The following SPATA31D1 variants were observed in gnomAD, a reference collection of about 807,000 sequenced individuals.
SPATA31D1 encodes spermatogenesis-associated protein 31D1.
A neutral mutation model predicts 13.2 loss-of-function variants in SPATA31D1; 6 were observed. That is an observed-to-expected ratio of 0.46 (90% CI 0.25 to 0.90). The LOEUF (loss-of-function observed/expected upper bound fraction) is 0.90, where lower values mean the gene tolerates loss of function less well. Ranked by LOEUF, SPATA31D1 falls within the 40% of genes least tolerant of loss-of-function variation. The pLI is 0.18. For synonymous variants in SPATA31D1, 903 were observed against 718.8 expected (o/e 1.26, Z -4.10); for missense variants, 2,445 against 1,884.7 (o/e 1.30, Z -5.50).
chr9:81,994,017 G>A lies in SPATA31D1; in HGVS notation c.3547G>A (p.Glu1183Lys). 6.2e-7 allele frequency: 1 copy of A among 1,613,754 alleles called. No individual in the cohort carries two copies. Among genetic ancestry groups the A allele is most frequent in the South Asian group, 1.1e-5 (1 of 91,056 alleles). ...NVKASTSNETEIFPPRISVPQ... is the reference protein window; with the variant it reads ...NVKASTSNETKIFPPRISVPQ... ...GAAAGCAAGCACTTCCAATGAAACT[G>A]AAATTTTCCCACCAAGAATATCAGT... Residue 1183 changes from glutamate to lysine, a missense_variant, in exon 4 of 4, where the codon GAA (glutamate) becomes AAA (lysine). Transcript: ENST00000344803.
Position 81,992,343 on chromosome 9 carries a change from G to C in SPATA31D1, c.1873G>C (p.Glu625Gln), listed in dbSNP as rs1452197292. ...TTTGCCATCTGAAATTAACCATCTG[G>C]AGTGGAACGTGTTGCAGAAAGTGCA... ...SLLPSEINHL[E>Q]WNVLQKVQES... Residue 625 changes from glutamate to glutamine, a missense_variant, in exon 4 of 4, where the codon GAG becomes CAG. By Grantham distance (29) the Glu-to-Gln change is conservative (BLOSUM62 2). Transcript: ENST00000344803. 6.2e-7 allele frequency: 1 copy of C among 1,613,696 alleles called. No homozygotes were observed. Among genetic ancestry groups the C allele is most frequent in the East Asian group, 2.2e-5 (1 of 44,892 alleles).
Position 81,992,008 on chromosome 9 carries a change from A to C in SPATA31D1, c.1538A>C (p.Glu513Ala), listed in dbSNP as rs755367812. Residue 513 changes from glutamate to alanine, a missense_variant, in exon 4 of 4, where the codon GAG (glutamate) becomes GCG (alanine). Physicochemically the swap from Glu to Ala is moderately radical, Grantham distance 107. Transcript: ENST00000344803. ...LFWGLPSLHS[E>A]SLHPTVLVQR... ...TGGGGTCTCCCATCTTTGCACAGCGAGTCTCTGCATCCTACTGTTCTTGTC... is the reference window on the plus strand; with the variant it reads ...TGGGGTCTCCCATCTTTGCACAGCGCGTCTCTGCATCCTACTGTTCTTGTC... 2 of 1,613,780 alleles carry C rather than the reference A, an allele frequency of 1.2e-6. No homozygotes were observed.
Position 81,994,855 on chromosome 9 carries a change from G to C in SPATA31D1, c.4385G>C (p.Arg1462Thr), listed in dbSNP as rs1431118911. ...EPVQGCPCNY[R>T]APSCKVTRTK... ...GTCCAGGGCTGTCCCTGCAACTACA[G>C]GGCTCCCTCCTGCAAAGTGACACGT... Residue 1462 changes from arginine to threonine, a missense_variant, in exon 4 of 4, where the codon AGG becomes ACG. Arg to Thr is a moderately conservative substitution (Grantham distance 71, BLOSUM62 -1). Transcript: ENST00000344803. The C allele has an allele frequency of 2.5e-6, 4 of 1,613,824 alleles. No individual in the cohort carries two copies. The highest frequency in any genetic ancestry group is 1.3e-5 in the African/African-American group (1 of 74,928).
At chr9:81,989,901 C>G (rs1824918202) in intron 2 of SPATA31D1, 78 bp downstream of exon 2, 1 of 1,509,020 alleles carries the variant, frequency 6.6e-7, no homozygotes, top group Non-Finnish European at 9.0e-7. Flanking sequence ...CCCATGATTT[C>G]TTAGAATGTC....
In SPATA31D1 at chr9:81,993,349, T is replaced by A. The variant is rs780620730; in HGVS notation, c.2879T>A (p.Val960Asp). The change falls in exon 4 of 4, where the codon GTC (valine) becomes GAC (aspartate). Residue 960 changes from valine (V) to aspartate (D), a missense_variant. Physicochemically the swap from Val to Asp is radical, Grantham distance 152 (BLOSUM62 -3). Coordinates refer to ENST00000344803, the MANE Select transcript of SPATA31D1 (RefSeq NM_001001670.3). ...FISQGDSKDG[V>D]SKSRSRSTFQ... ...TCTCAGGGAGATTCCAAAGATGGGG[T>A]CTCTAAGTCCCGTAGTCGAAGCACT... is the stretch of plus-strand genomic sequence containing the variant. 6.2e-7 allele frequency: 1 copy of A among 1,613,612 alleles called. No homozygotes were observed. Among genetic ancestry groups the A allele is most frequent in the South Asian group, 1.1e-5 (1 of 91,048 alleles).
At position 81,993,519 on chromosome 9, in the gene SPATA31D1, T is replaced by G. The variant is rs778969735; in HGVS notation, c.3049T>G (p.Ser1017Ala). The change falls in exon 4 of 4, where the codon TCC becomes GCC. Residue 1017 changes from serine to alanine, a missense_variant. Coordinates refer to ENST00000344803, the MANE Select transcript of SPATA31D1 (RefSeq NM_001001670.3). ...TGACCATGACCTTATAGAGACAGAT[T>G]CCAAAGACGGGGCCTCCACATCCCT... ...DTDHDLIETD[S>A]KDGASTSLRR... 1.4e-5 allele frequency: 23 copies of G among 1,613,402 alleles called. No individual in the cohort carries two copies. The East Asian group carries it at 1.6e-4, about 11-fold the overall frequency.
upstream of SPATA31D1, among the ~76,000 whole-genome samples, chr9:81,987,569 G>A (rs1188464216): frequency 6.6e-6 from 1 of 152,120 alleles, no homozygotes; most frequent in African/African-American, 2.4e-5. Flanking sequence ...TAGAGAGTAT[G>A]TTCCAAAAGT....
In SPATA31D1 at chr9:81,994,569, T is replaced by G. The variant is rs1415964517; in HGVS notation, c.4099T>G (p.Ser1367Ala). ...SLQWFNKPSI[S>A]YEEQESSWEK... ...GCAGTGGTTTAATAAACCCAGCATA[T>G]CATATGAAGAACAAGAAAGTTCCTG... is the stretch of plus-strand genomic sequence containing the variant. The change falls in exon 4 of 4, where the codon TCA becomes GCA. Residue 1367 changes from serine (S) to alanine (A), a missense_variant. By Grantham distance (99) the Ser-to-Ala change is moderately conservative. Coordinates refer to ENST00000344803, the MANE Select transcript of SPATA31D1 (RefSeq NM_001001670.3). The G allele has an allele frequency of 4.3e-6, 7 of 1,612,992 alleles. No homozygotes were observed. The highest frequency in any genetic ancestry group is 1.7e-5 in the Admixed American group (1 of 59,840).
chr9:81,994,299 T>G lies in SPATA31D1; in HGVS notation c.3829T>G (p.Cys1277Gly), dbSNP rs756065555. 13 of 1,613,884 alleles carry G rather than the reference T, an allele frequency of 8.1e-6. No homozygotes were observed. The highest frequency in any genetic ancestry group is 1.1e-5 in the Non-Finnish European group (13 of 1,179,892). The change falls in exon 4 of 4, where the codon TGT (cysteine) becomes GGT (glycine). Residue 1277 changes from cysteine to glycine, a missense_variant. Physicochemically the swap from Cys to Gly is radical, Grantham distance 159 (BLOSUM62 -3). Coordinates refer to ENST00000344803, the MANE Select transcript of SPATA31D1 (RefSeq NM_001001670.3). ...AQKQEPRVPT[C>G]VLQKCQVTNF... ...GAAGCAGGAGCCCAGGGTCCCTACC[T>G]GTGTCTTACAGAAGTGTCAAGTTAC... is the stretch of plus-strand genomic sequence containing the variant.
chr9:81,991,722 C>G lies in SPATA31D1; in HGVS notation c.1252C>G (p.Gln418Glu), dbSNP rs1043956908. Residue 418 changes from glutamine to glutamate, a missense_variant, in exon 4 of 4, where the codon CAA (glutamine) becomes GAA (glutamate). Physicochemically the swap from Gln to Glu is conservative, Grantham distance 29. Transcript: ENST00000344803. ...TGACATTCTGGCACTCCTGGAGAGA[C>G]AAGTCAAAAAAAGGGGTGATTTCCT... Reference protein sequence around the residue: ...SHDILALLERQVKKRGDFLMW... With the variant: ...SHDILALLEREVKKRGDFLMW... The G allele has an allele frequency of 3.1e-6, 5 of 1,613,044 alleles. No individual in the cohort carries two copies. The highest frequency in any genetic ancestry group is 1.3e-5 in the African/African-American group (1 of 74,730).
Position 81,991,724 on chromosome 9 carries a change from A to C in SPATA31D1, c.1254A>C (p.Gln418His). The C allele has an allele frequency of 6.2e-7, 1 of 1,613,848 alleles. No individual in the cohort carries two copies. The highest frequency in any genetic ancestry group is 8.5e-7 in the Non-Finnish European group (1 of 1,179,776). Residue 418 changes from glutamine to histidine, a missense_variant, in exon 4 of 4, where the codon CAA becomes CAC. Transcript: ENST00000344803. ...ACATTCTGGCACTCCTGGAGAGACAAGTCAAAAAAAGGGGTGATTTCCTGA... is the reference window on the plus strand; with the variant it reads ...ACATTCTGGCACTCCTGGAGAGACACGTCAAAAAAAGGGGTGATTTCCTGA... ...SHDILALLERQVKKRGDFLMW... is the reference protein window; with the variant it reads ...SHDILALLERHVKKRGDFLMW...
In SPATA31D1 at chr9:81,991,616, C is replaced by T; in HGVS notation, c.1146C>T (p.Thr382=). 6.2e-7 allele frequency: 1 copy of T among 1,613,934 alleles called. No homozygotes were observed. The change falls in exon 4 of 4, where the codon ACC becomes ACT. Residue 382 remains threonine (T), a synonymous_variant. Transcript: ENST00000344803. ...CTGATTTCATGGAGGAGCTTCTTAC[C>T]CTTCATTCTTCTGAGGCCTTTTTAG... ...VPSDFMEELL[T]LHSSEAFLGG...
Position 81,991,614 on chromosome 9 carries a change from AC to A in SPATA31D1, c.1147del (p.Leu383PhefsTer8), listed in dbSNP as rs920472451. On this transcript the variant is annotated frameshift_variant, in exon 4 of 4. Transcript: ENST00000344803. LOFTEE classifies it low-confidence loss of function (END_TRUNC). ...VPSDFMEELL[T>X]LHSSEAFLGG... Reference sequence around the variant, plus strand: ...ATCTGATTTCATGGAGGAGCTTCTTACCCTTCATTCTTCTGAGGCCTTTTTA... The same window carrying A: ...ATCTGATTTCATGGAGGAGCTTCTTACCTTCATTCTTCTGAGGCCTTTTTA... The A allele has an allele frequency of 5.0e-6, 8 of 1,613,566 alleles. No individual in the cohort carries two copies. In the Admixed American group the frequency reaches 1.3e-4, roughly 27 times the overall value.
In SPATA31D1 at chr9:81,993,349, T is replaced by C. The variant is rs780620730; in HGVS notation, c.2879T>C (p.Val960Ala). ...TCTCAGGGAGATTCCAAAGATGGGG[T>C]CTCTAAGTCCCGTAGTCGAAGCACT... Reference protein sequence around the residue: ...FISQGDSKDGVSKSRSRSTFQ... With the variant: ...FISQGDSKDGASKSRSRSTFQ... Residue 960 changes from valine (V) to alanine (A), a missense_variant, in exon 4 of 4, where the codon GTC (valine) becomes GCC (alanine). Transcript: ENST00000344803. The C allele has an allele frequency of 1.2e-6, 2 of 1,613,494 alleles. No homozygotes were observed. The highest frequency in any genetic ancestry group is 2.7e-5 in the African/African-American group (2 of 74,754).
Position 81,994,829 on chromosome 9 carries a change from T to C in SPATA31D1, c.4359T>C (p.Pro1453=). Residue 1453 remains proline (P), a synonymous_variant, in exon 4 of 4, where the codon CCT becomes CCC. Coordinates refer to ENST00000344803, the MANE Select transcript of SPATA31D1 (RefSeq NM_001001670.3). ...HNPEVHVRAE[P]VQGCPCNYRA... is the part of the protein sequence containing the mutation. ...CAGAAGTGCATGTCAGAGCAGAGCC[T>C]GTCCAGGGCTGTCCCTGCAACTACA... The C allele has an allele frequency of 6.2e-7, 1 of 1,613,944 alleles. No homozygotes were observed. Among genetic ancestry groups the C allele is most frequent in the South Asian group, 1.1e-5 (1 of 91,080 alleles).
Position 81,994,212 on chromosome 9 carries a change from G to A in SPATA31D1, c.3742G>A (p.Asp1248Asn), listed in dbSNP as rs751339436. 16 of 1,614,034 alleles carry A rather than the reference G, an allele frequency of 9.9e-6. No homozygotes were observed. The highest frequency in any genetic ancestry group is 1.4e-5 in the Non-Finnish European group (16 of 1,179,906). The change falls in exon 4 of 4, where the codon GAC becomes AAC. Residue 1248 changes from aspartate to asparagine, a missense_variant. By Grantham distance (23) the Asp-to-Asn change is conservative. Transcript: ENST00000344803. ...LTNSQGISSG[D>N]MGTSQVVHVH... is the part of the protein sequence containing the mutation. Reference sequence around the variant, plus strand: ...TAATTCCCAGGGCATCTCGAGTGGGGACATGGGAACTTCCCAGGTGGTGCA... The same window carrying A: ...TAATTCCCAGGGCATCTCGAGTGGGAACATGGGAACTTCCCAGGTGGTGCA...
Position 81,989,653 on chromosome 9 carries a change from T to C in SPATA31D1, c.187-125T>C, listed in dbSNP as rs1486944396. 5.6e-6 allele frequency: 6 copies of C among 1,064,480 alleles called. No homozygotes were observed. In the East Asian group the frequency reaches 1.1e-4, roughly 20 times the overall value. 65.9% of individuals were successfully genotyped at this position (1,064,480 alleles called of 1,614,324 possible). A position where few individuals can be genotyped will look rare whatever the true frequency, so the allele number is the denominator to read the frequency against. ...ATTAAAAATTGATAACAGGAACATATTTCTATTAATTAAAGAGTAATATTC... is the reference window on the plus strand; with the variant it reads ...ATTAAAAATTGATAACAGGAACATACTTCTATTAATTAAAGAGTAATATTC... On this transcript the variant is annotated intron_variant, in intron 1 of 3. Transcript: ENST00000344803.
rs1825008505 is a variant in SPATA31D1 at position 81,992,962 on chromosome 9, C to T, written c.2492C>T (p.Thr831Ile). Reference sequence around the variant, plus strand: ...CAGAAACAACTTGAAAATGCCCTGACAGTACGTTTGAGCAAGAAATTTGAG... The same window carrying T: ...CAGAAACAACTTGAAAATGCCCTGATAGTACGTTTGAGCAAGAAATTTGAG... ...LGQKQLENAL[T>I]VRLSKKFEEI... is the part of the protein sequence containing the mutation. Residue 831 changes from threonine (T) to isoleucine (I), a missense_variant, in exon 4 of 4, where the codon ACA (threonine) becomes ATA (isoleucine). By Grantham distance (89) the Thr-to-Ile change is moderately conservative (BLOSUM62 -1). Transcript: ENST00000344803. The T allele has an allele frequency of 1.5e-5, 24 of 1,613,632 alleles. No homozygotes were observed. Among genetic ancestry groups the T allele is most frequent in the Non-Finnish European group, 2.0e-5 (24 of 1,179,726 alleles).
Position 81,994,939 on chromosome 9 carries a change from G to C in SPATA31D1, c.4469G>C (p.Arg1490Thr), listed in dbSNP as rs1201224694. 1.9e-6 allele frequency: 3 copies of C among 1,613,994 alleles called. No homozygotes were observed. The South Asian group carries it at 3.3e-5, about 18-fold the overall frequency. ...GGCCAGAATTATCCTACAAGGATTA[G>C]ACAGATCATAGACAAGGACAGACAG... ...FVGQNYPTRI[R>T]QIIDKDRQPQ... The change falls in exon 4 of 4, where the codon AGA becomes ACA. Residue 1490 changes from arginine (R) to threonine (T), a missense_variant. By Grantham distance (71) the Arg-to-Thr change is moderately conservative. Transcript: ENST00000344803.
Sources: allele counts gnomAD v4.1 joint callset (sites outside exome capture counted in the v4.1 genomes callset), GRCh38; gene constraint gnomAD v4.1.1; transcripts MANE v1.5; gene names NCBI Gene and HGNC (gene_info 2026-07-23, HGNC 2026-07-21).